The following NEBL variants were observed in gnomAD, a reference collection of about 807,000 sequenced individuals.
NEBL encodes the protein nebulette, also known as LIM and SH3 protein 2.
In NEBL, 122 loss-of-function variants were observed where a neutral mutation model predicts 140.2. The ratio of observed to expected loss-of-function variants is 0.87; its 90% confidence interval spans 0.75 to 1.01. The LOEUF is 1.01. Among genes scored for constraint, NEBL ranks in the 50% least tolerant of loss-of-function variants. The pLI is 0.00. For synonymous variants in NEBL, 436 were observed against 398.9 expected, an observed-to-expected ratio of 1.09 and a Z score of -1.11; for missense variants, 1,365 against 1,231.3, an observed-to-expected ratio of 1.11 and a Z score of -1.62.
intron 2 of NEBL, among the ~76,000 whole-genome samples, chr10:21,151,951 G>A (rs1406398389): frequency 2.0e-5 from 3 of 152,158 alleles, no homozygotes; most frequent in Admixed American, 6.5e-5. Context: ...GAAGCTCCAC[G>A]AGGGCAGGAA....
At chr10:21,171,106 G>A (rs1319415466) in intron 2 of NEBL, among the ~76,000 whole-genome samples, 6 of 152,086 alleles carry the variant, frequency 3.9e-5, no homozygotes, top group Admixed American at 2.6e-4. Flanking sequence ...GAGGCCGAGC[G>A]GGGCAGATCA....
At chr10:21,255,119 G>A (rs1017372145) in intron 1 of NEBL, among the ~76,000 whole-genome samples, 69 of 151,936 alleles carry the variant, frequency 4.5e-4, no homozygotes, top group African/African-American at 1.5e-3. Context: ...AAGATGGTTC[G>A]CCCAGGAGCT....
rs1835344052 is a variant in NEBL, at chr10:20,785,634, A to C, written c.*113T>G. On this transcript the variant is annotated 3_prime_UTR_variant, in exon 28 of 28. Coordinates refer to ENST00000377122, the MANE Select transcript of NEBL (RefSeq NM_006393.3). ...ACCTGTGTGTCTAATTGTCAAAGGA[A>C]GGATACATCATTGTAAAATAATGGC... is the stretch of plus-strand genomic sequence containing the variant. 2 of 1,219,152 alleles carry C rather than the reference A, an allele frequency of 1.6e-6. No homozygotes were observed. The highest frequency in any genetic ancestry group is 4.0e-5 in the Admixed American group (2 of 50,368). 75.5% of individuals were successfully genotyped at this position (1,219,152 alleles called of 1,614,324 possible).
intron 2 of NEBL, among the ~76,000 whole-genome samples, chr10:21,063,804 A>C (rs946802165): frequency 9.2e-5 from 14 of 152,302 alleles, no homozygotes; most frequent in African/African-American, 3.4e-4. Context: ...CGGGAGGCGG[A>C]GCTTGTAGTG....
chr10:21,098,859 C>T (rs79585176), intron 2 of NEBL, among the ~76,000 whole-genome samples: 2,563 of 152,292 alleles, frequency 0.017, 79 homozygotes, highest in African/African-American at 0.058. Context: ...CCAGGCATGG[C>T]GGCTCACACC....
chr10:20,978,441 A>C (rs929546088), intron 3 of NEBL, among the ~76,000 whole-genome samples: 16 of 146,394 alleles, frequency 1.1e-4, no homozygotes, highest in Middle Eastern at 3.5e-3. Flanking sequence ...AAAAAAAAAA[A>C]CGAGTTATTT....
intron 12 of NEBL, among the ~76,000 whole-genome samples, chr10:20,843,257 T>C (rs1841563427): frequency 6.6e-6 from 1 of 152,056 alleles, no homozygotes; most frequent in South Asian, 2.1e-4. Flanking sequence ...GAATCAAATC[T>C]GCCAGCACCT....
chr10:21,287,296 G>A (rs1843069544), intron 1 of NEBL, among the ~76,000 whole-genome samples: 1 of 152,168 alleles, frequency 6.6e-6, no homozygotes, highest in African/African-American at 2.4e-5. Context: ...AGAATTTTGG[G>A]AGGCCGAGGC....
intron 1 of NEBL, among the ~76,000 whole-genome samples, chr10:21,270,217 A>T (rs1435482272): frequency 6.6e-6 from 1 of 152,162 alleles, no homozygotes; most frequent in Non-Finnish European, 1.5e-5. Context: ...TAATTTCTTA[A>T]TTGTGCTAAA....
chr10:20,808,393 T>C, intron 26 of NEBL, 117 bp downstream of exon 26: 5 of 1,076,040 alleles, frequency 4.6e-6, no homozygotes, highest in Non-Finnish European at 6.8e-6. Flanking sequence ...TAATTTTAAA[T>C]TCTCAAATAC....
chr10:20,931,554 G>A (rs956758798), intron 4 of NEBL, among the ~76,000 whole-genome samples: 7 of 152,252 alleles, frequency 4.6e-5, no homozygotes, highest in Non-Finnish European at 5.9e-5. Context: ...GTCCTTTTGC[G>A]CCATGGCTGT....
intron 3 of NEBL, among the ~76,000 whole-genome samples, chr10:21,018,326 T>C (rs1838642069): frequency 2.6e-5 from 4 of 152,170 alleles, no homozygotes; most frequent in Admixed American, 6.5e-5. Context: ...TGTGTACTTG[T>C]CCAGAATTAC....
At chr10:21,142,363 A>G (rs1839669256) in intron 2 of NEBL, among the ~76,000 whole-genome samples, 1 of 152,122 alleles carries the variant, frequency 6.6e-6, no homozygotes, top group East Asian at 1.9e-4. Context: ...CTCTGACAGC[A>G]CCACAGGACA....
chr10:20,985,521 CA>C (rs935542899), intron 3 of NEBL, among the ~76,000 whole-genome samples: 4 of 151,808 alleles, frequency 2.6e-5, no homozygotes, highest in African/African-American at 4.8e-5. Flanking sequence ...GAACATGGAT[CA>C]AAAAAACTCA....
At chr10:21,045,098 C>A (rs775134301) in intron 2 of NEBL, among the ~76,000 whole-genome samples, 2 of 152,142 alleles carry the variant, frequency 1.3e-5, no homozygotes, top group Non-Finnish European at 1.5e-5. Context: ...TCTCATGGGC[C>A]TCCATAAATT....
intron 3 of NEBL, among the ~76,000 whole-genome samples, chr10:21,206,312 G>A (rs1841824116): frequency 6.6e-6 from 1 of 152,174 alleles, no homozygotes; most frequent in South Asian, 2.1e-4. Context: ...AAGTTATTTT[G>A]TCCTGGCAAC....
At chr10:21,235,159 G>A (rs909692665) in intron 3 of NEBL, among the ~76,000 whole-genome samples, 1 of 152,040 alleles carries the variant, frequency 6.6e-6, no homozygotes, top group Admixed American at 6.6e-5. Context: ...AGCTGGGCAT[G>A]GTGGTGTGCG....
chr10:20,845,556 G>A, intron 11 of NEBL, 188 bp from the exon 12 acceptor site: 1 of 542,478 alleles, frequency 1.8e-6, no homozygotes, highest in South Asian at 2.2e-5. Flanking sequence ...AAACAAAGGA[G>A]AATTATTAAG....
At chr10:20,991,413 T>C (rs1837450431) in intron 3 of NEBL, among the ~76,000 whole-genome samples, 1 of 152,168 alleles carries the variant, frequency 6.6e-6, no homozygotes, top group Non-Finnish European at 1.5e-5. Flanking sequence ...TTTATTATCA[T>C]AAATTTTGAA....
Sources: allele counts gnomAD v4.1 joint callset (sites outside exome capture counted in the v4.1 genomes callset), GRCh38; gene constraint gnomAD v4.1.1; transcripts MANE v1.5; gene names NCBI Gene and HGNC (gene_info 2026-07-23, HGNC 2026-07-21).